The following RNF144A variants were observed in gnomAD, a reference collection of about 807,000 sequenced individuals.
The protein encoded by RNF144A is ring finger protein 144A, also known as E3 ubiquitin-protein ligase RNF144A.
A neutral mutation model predicts 38.7 loss-of-function variants in RNF144A; 11 were observed. That is an observed-to-expected ratio of 0.28 (90% CI 0.18 to 0.47). The LOEUF (loss-of-function observed/expected upper bound fraction) is 0.47, where lower values mean the gene tolerates loss of function less well. Among genes scored for constraint, RNF144A ranks in the 20% least tolerant of loss-of-function variants. The pLI, the probability that RNF144A is intolerant of heterozygous loss-of-function variation, is 0.99. For synonymous variants in RNF144A, 149 were observed against 143.9 expected (o/e 1.04, Z -0.25); for missense variants, 316 against 377.2 (o/e 0.84, Z 1.34).
chr2:7,040,459 A>G lies in RNF144A; in HGVS notation c.*699A>G, dbSNP rs558809891. The stretch of plus-strand genomic sequence containing the variant: ...GTGTACTGTTATAAGTGTGCTTCCT[A>G]TATTGTTGCATTTCCTTGATAATAT... On this transcript the variant is annotated 3_prime_UTR_variant, in exon 9 of 9. Transcript: ENST00000320892. 13 of 985,292 alleles carry G rather than the reference A, an allele frequency of 1.3e-5. No individual in the cohort carries two copies. In the African/African-American group the frequency reaches 2.1e-4, roughly 16 times the overall value. 61.0% of individuals were successfully genotyped at this position (985,292 alleles called of 1,614,324 possible). A position where few individuals can be genotyped will look rare whatever the true frequency, so the allele number is the denominator to read the frequency against.
intron 1 of RNF144A, among the ~76,000 whole-genome samples, chr2:6,937,168 A>T (rs1665645597): frequency 6.6e-6 from 1 of 152,194 alleles, no homozygotes. Context: ...GTATATGAAG[A>T]ACAATTCTTG....
intron 2 of RNF144A, among the ~76,000 whole-genome samples, chr2:6,971,806 T>TA (rs1215001078): frequency 6.6e-6 from 1 of 152,218 alleles, no homozygotes; most frequent in Non-Finnish European, 1.5e-5. Flanking sequence ...TCCAGTGACC[T>TA]AAGCCTGCTT....
Position 7,027,179 on chromosome 2 carries a change from C to T in RNF144A, c.657+2663C>T, listed in dbSNP as rs556116879. Among the ~76,000 whole-genome samples, 5 of 152,304 alleles carry T rather than the reference C, an allele frequency of 3.3e-5. No individual in the cohort carries two copies. In the Middle Eastern group the frequency reaches 0.01, roughly 311 times the overall value. On this transcript the variant is annotated intron_variant, in intron 7 of 8. Transcript: ENST00000320892. The stretch of plus-strand genomic sequence containing the variant: ...TGAATATTTCAGACCGCCTCCTCCC[C>T]ATCGTGGTCCTTACTGCCTCTCCTC...
intron 2 of RNF144A, among the ~76,000 whole-genome samples, chr2:6,965,085 G>A (rs1023708923): frequency 6.6e-5 from 10 of 152,130 alleles, no homozygotes; most frequent in South Asian, 4.1e-4. Context: ...GTGTGTGTGC[G>A]GGGTGCCCTG....
In RNF144A at chr2:7,042,068, T is replaced by C. The variant is rs530618834; in HGVS notation, c.*2308T>C. On this transcript the variant is annotated 3_prime_UTR_variant, in exon 9 of 9. Transcript: ENST00000320892. ...ATTGGCACCTACTGGCTCTGACTTT[T>C]TGTATGAAGCATGCCTCAGTTTCCT... is the stretch of plus-strand genomic sequence containing the variant. The C allele has an allele frequency of 2.5e-4, 247 of 985,412 alleles. No homozygotes were observed. The highest frequency in any genetic ancestry group is 7.4e-4 in the Admixed American group (12 of 16,292). 61.0% of individuals were successfully genotyped at this position (985,412 alleles called of 1,614,324 possible). A position where few individuals can be genotyped will look rare whatever the true frequency, so the allele number is the denominator to read the frequency against.
intron 2 of RNF144A, among the ~76,000 whole-genome samples, chr2:6,979,926 G>A (rs1196784785): frequency 1.3e-5 from 2 of 152,158 alleles, no homozygotes; most frequent in Admixed American, 1.3e-4. Flanking sequence ...GGCTGGGGAG[G>A]CCTCAGGAAA....
intron 2 of RNF144A, among the ~76,000 whole-genome samples, chr2:6,975,816 A>G (rs1310918507): frequency 4.6e-5 from 7 of 152,206 alleles, no homozygotes; most frequent in African/African-American, 1.7e-4. Context: ...ACAGAGCGAG[A>G]CCCTGTCTCA....
At chr2:6,952,354 TCTTTC>T (rs1666739588) in intron 2 of RNF144A, among the ~76,000 whole-genome samples, 1 of 151,050 alleles carries the variant, frequency 6.6e-6, no homozygotes, top group South Asian at 2.1e-4. Context: ...CTATATTTTT[TCTTTC>T]CTTAACTGCT....
At chr2:7,003,137 AT>A (rs1275977898) in intron 3 of RNF144A, among the ~76,000 whole-genome samples, 1 of 152,212 alleles carries the variant, frequency 6.6e-6, no homozygotes, top group Non-Finnish European at 1.5e-5. Flanking sequence ...CTGTGTTCGT[AT>A]TTTAGGCTAA....
intron 6 of RNF144A, among the ~76,000 whole-genome samples, chr2:7,050,079 C>T (rs547547734): frequency 6.6e-6 from 1 of 152,294 alleles, no homozygotes; most frequent in South Asian, 2.1e-4. Flanking sequence ...TTGCCTTTCC[C>T]AGGAGATGAA....
chr2:6,997,181 G>A, intron 3 of RNF144A, 120 bp downstream of exon 3: 1 of 902,030 alleles, frequency 1.1e-6, no homozygotes, highest in Non-Finnish European at 1.7e-6. Flanking sequence ...GAGTCTTCTT[G>A]TTGAGGCCTT....
intron 1 of RNF144A, among the ~76,000 whole-genome samples, chr2:6,928,834 AGT>A (rs1237608317): frequency 1.3e-5 from 2 of 152,012 alleles, no homozygotes; most frequent in African/African-American, 4.8e-5. Context: ...CTGCATTCCC[AGT>A]GTCTCCTGCT....
chr2:7,000,875 T>A (rs1670052143), intron 3 of RNF144A, among the ~76,000 whole-genome samples: 1 of 150,744 alleles, frequency 6.6e-6, no homozygotes, highest in African/African-American at 2.4e-5. Context: ...TATATATATA[T>A]AATTTTTTTT....
intron 2 of RNF144A, among the ~76,000 whole-genome samples, chr2:6,982,443 C>T (rs186356896): frequency 6.0e-4 from 92 of 152,256 alleles, no homozygotes; most frequent in Non-Finnish European, 3.5e-4. Context: ...GCCTGATTCA[C>T]GCTAGTATTT....
chr2:7,006,965 A>G (rs1156914376), intron 3 of RNF144A, among the ~76,000 whole-genome samples: 2 of 152,172 alleles, frequency 1.3e-5, no homozygotes, highest in African/African-American at 4.8e-5. Context: ...AAAGTGAGCC[A>G]AGGGATGAAG....
intron 2 of RNF144A, among the ~76,000 whole-genome samples, chr2:6,991,322 A>G (rs1016667246): frequency 9.2e-5 from 14 of 152,214 alleles, no homozygotes; most frequent in Admixed American, 7.9e-4. Flanking sequence ...CAACTCTTTT[A>G]CAGCCAACTT....
At chr2:6,955,146 A>C (rs566518901) in intron 2 of RNF144A, among the ~76,000 whole-genome samples, 1 of 152,214 alleles carries the variant, frequency 6.6e-6, no homozygotes, top group Non-Finnish European at 1.5e-5. Context: ...CTCTAAGGCA[A>C]CACTGTTGTG....
At chr2:7,035,522 T>C (rs377724638) in intron 8 of RNF144A, among the ~76,000 whole-genome samples, 2 of 152,342 alleles carry the variant, frequency 1.3e-5, no homozygotes, top group African/African-American at 4.8e-5. Context: ...GACCCTGCTG[T>C]GGGTTAGAAC....
chr2:6,966,587 A>T (rs1667680837), intron 2 of RNF144A, among the ~76,000 whole-genome samples: 2 of 152,236 alleles, frequency 1.3e-5, no homozygotes. Flanking sequence ...CACTATAAAA[A>T]GAATATTTTA....
Sources: gnomAD v4.1 joint callset for allele counts (sites outside exome capture counted in the v4.1 genomes callset) on GRCh38, gnomAD v4.1.1 for gene constraint, MANE v1.5 for transcripts, NCBI Gene and HGNC (gene_info 2026-07-23, HGNC 2026-07-21) for gene names.